FTCDNL1: variants seen among roughly 807,000 people sequenced by gnomAD.
FTCDNL1 encodes the protein formiminotransferase cyclodeaminase N-terminal like.
A neutral mutation model predicts 5.9 loss-of-function variants in FTCDNL1; 11 were observed. That is an observed-to-expected ratio of 1.87 (90% CI 1.18 to 3.10). FTCDNL1 has a LOEUF of 3.10. Among genes scored for constraint, FTCDNL1 ranks in the 30% most tolerant of loss-of-function variants. The pLI is 0.00. For missense variants in FTCDNL1, 115 were observed against 65.5 expected (o/e 1.76, Z -2.61); for synonymous variants, 58 against 24.8 (o/e 2.34, Z -3.99).
chr2:199,845,052 C>T (rs947551069), intron 3 of FTCDNL1, among the ~76,000 whole-genome samples: 3 of 151,878 alleles, frequency 2.0e-5, no homozygotes, highest in Non-Finnish European at 2.9e-5. Flanking sequence ...TGCCCAAACA[C>T]GTAAATTTTT....
chr2:199,667,020 A>T, the FTCDNL1 span, among the ~76,000 whole-genome samples: 1 of 151,980 alleles, frequency 6.6e-6, no homozygotes, highest in Non-Finnish European at 1.5e-5. Context: ...ACCAGGTGTA[A>T]ATACATTGGA....
the FTCDNL1 span, among the ~76,000 whole-genome samples, chr2:199,744,658 G>A: frequency 2.2e-4 from 33 of 152,288 alleles, no homozygotes; most frequent in African/African-American, 4.8e-4. Flanking sequence ...AGCCAGAGCC[G>A]GCTAACACAC....
At chr2:199,752,744 G>A in the FTCDNL1 span, among the ~76,000 whole-genome samples, 27 of 26,708 alleles carry the variant, frequency 1.0e-3, no homozygotes, top group Middle Eastern at 0.056. Flanking sequence ...CTCTCTCTGT[G>A]TGTGTGTGTG....
At chr2:199,755,587 T>C (rs771035926), downstream of FTCDNL1, among the ~76,000 whole-genome samples, 4 of 152,204 alleles carry the variant, frequency 2.6e-5, no homozygotes, top group Non-Finnish European at 4.4e-5. Context: ...ATGGTACATA[T>C]TCCCTATACA....
At chr2:199,793,799 G>A (rs1700047705) in intron 3 of FTCDNL1, among the ~76,000 whole-genome samples, 1 of 152,164 alleles carries the variant, frequency 6.6e-6, no homozygotes, top group African/African-American at 2.4e-5. Context: ...CCACTAAAAA[G>A]TAGGGAAAAT....
At chr2:199,729,764 T>C in the FTCDNL1 span, among the ~76,000 whole-genome samples, 477 of 152,240 alleles carry the variant, frequency 3.1e-3, 6 homozygotes, top group African/African-American at 0.011. Context: ...AGAGTGAAAA[T>C]GGCCATAATG....
At chr2:199,735,136 C>A in the FTCDNL1 span, among the ~76,000 whole-genome samples, 911 of 92,096 alleles carry the variant, frequency 9.9e-3, 8 homozygotes, top group African/African-American at 0.024. Flanking sequence ...AAAAAAAAAA[C>A]CACATTATTT....
intron 3 of FTCDNL1, among the ~76,000 whole-genome samples, chr2:199,794,850 G>C (rs1453984459): frequency 6.6e-6 from 1 of 152,168 alleles, no homozygotes; most frequent in South Asian, 2.1e-4. Context: ...CTGCACTCCA[G>C]TCCAGCCTGG....
the FTCDNL1 span, among the ~76,000 whole-genome samples, chr2:199,745,041 T>C: frequency 6.6e-6 from 1 of 152,268 alleles, no homozygotes; most frequent in Non-Finnish European, 1.5e-5. Flanking sequence ...TACAGCTCTG[T>C]ACTGTCCTGT....
At chr2:199,699,272 G>A in the FTCDNL1 span, among the ~76,000 whole-genome samples, 5 of 152,074 alleles carry the variant, frequency 3.3e-5, no homozygotes, top group African/African-American at 1.2e-4. Flanking sequence ...TTTGAGACCA[G>A]CCTGGGCAAC....
the FTCDNL1 span, among the ~76,000 whole-genome samples, chr2:199,670,681 T>G: frequency 6.6e-6 from 1 of 152,170 alleles, no homozygotes; most frequent in Admixed American, 6.5e-5. Flanking sequence ...TGTGTGTGTG[T>G]ATACATCTTC....
At chr2:199,756,784 T>A (rs1187070315), downstream of FTCDNL1, among the ~76,000 whole-genome samples, 2 of 152,230 alleles carry the variant, frequency 1.3e-5, no homozygotes, top group African/African-American at 4.8e-5. Flanking sequence ...ATGTTGCACA[T>A]GCATCCAGGG....
At chr2:199,723,121 C>A in the FTCDNL1 span, among the ~76,000 whole-genome samples, 14 of 152,146 alleles carry the variant, frequency 9.2e-5, no homozygotes, top group East Asian at 2.7e-3. Flanking sequence ...CCCCTGCCCC[C>A]ACCAATAGGC....
chr2:199,713,499 GAC>G, the FTCDNL1 span, among the ~76,000 whole-genome samples: 1 of 152,278 alleles, frequency 6.6e-6, no homozygotes, highest in South Asian at 2.1e-4. Context: ...TGAGGAGAAA[GAC>G]CTGGGGATTT....
At chr2:199,819,038 C>T (rs1050052219) in intron 4 of FTCDNL1, 3 of 152,594 alleles carry the variant, frequency 2.0e-5, no homozygotes, top group Non-Finnish European at 4.4e-5. Flanking sequence ...GTTTCTTTTT[C>T]CAGTCTTTGG....
the FTCDNL1 span, among the ~76,000 whole-genome samples, chr2:199,703,942 G>A: frequency 9.1e-4 from 138 of 152,188 alleles, 1 homozygote; most frequent in South Asian, 0.026. Flanking sequence ...GAAGGTCTAC[G>A]GAGTAGGCTT....
the FTCDNL1 span, among the ~76,000 whole-genome samples, chr2:199,692,117 T>C: frequency 6.6e-6 from 1 of 152,184 alleles, no homozygotes; most frequent in African/African-American, 2.4e-5. Flanking sequence ...CAGATTTTTT[T>C]TCTTTTTTGA....
chr2:199,683,602 C>T, the FTCDNL1 span, among the ~76,000 whole-genome samples: 1 of 150,998 alleles, frequency 6.6e-6, no homozygotes, highest in East Asian at 1.9e-4. Context: ...ATCTGATATT[C>T]TTGAGCTTTC....
chr2:199,825,289 T>G (rs1701960758), intron 3 of FTCDNL1, among the ~76,000 whole-genome samples: 1 of 151,928 alleles, frequency 6.6e-6, no homozygotes. Context: ...TGATGCAGGG[T>G]TGCCACAAAC....
Sources: allele counts gnomAD v4.1 joint callset (sites outside exome capture counted in the v4.1 genomes callset), GRCh38; gene constraint gnomAD v4.1.1; transcripts MANE v1.5; gene names NCBI Gene and HGNC (gene_info 2026-07-23, HGNC 2026-07-21).